The following TEAD1 variants were observed in gnomAD, a reference collection of about 807,000 sequenced individuals.
The protein encoded by TEAD1 is TEA domain transcription factor 1.
TEAD1 carries 9 observed loss-of-function variants against 54.9 expected under a neutral mutation model. The observed-to-expected ratio is 0.16, with a 90% CI of 0.10 to 0.29. TEAD1 has a LOEUF of 0.29. Ranked by LOEUF, TEAD1 falls within the 10% of genes least tolerant of loss-of-function variation. The probability of loss-of-function intolerance (pLI) is 1.00; values close to 1 mark genes in which losing one functional copy is unlikely to be tolerated. For synonymous variants in TEAD1, 200 were observed against 187.8 expected, an observed-to-expected ratio of 1.07 and a Z score of -0.53; for missense variants, 387 against 535.9, an observed-to-expected ratio of 0.72 and a Z score of 2.74.
chr11:12,895,984 A>G (rs111411428), intron 9 of TEAD1, among the ~76,000 whole-genome samples: 180 of 141,184 alleles, frequency 1.3e-3, no homozygotes, highest in Middle Eastern at 8.2e-3. Flanking sequence ...TAAATTTAGT[A>G]TATGCCCCCC....
At chr11:12,856,363 C>G (rs1707774171) in intron 3 of TEAD1, among the ~76,000 whole-genome samples, 1 of 152,074 alleles carries the variant, frequency 6.6e-6, no homozygotes, top group Non-Finnish European at 1.5e-5. Flanking sequence ...GAAAAAAATA[C>G]AAGTTACCAG....
chr11:12,911,406 G>T (rs1177255012), intron 10 of TEAD1, among the ~76,000 whole-genome samples: 1 of 152,138 alleles, frequency 6.6e-6, no homozygotes, highest in Non-Finnish European at 1.5e-5. Flanking sequence ...ACGTCCTGTT[G>T]CTATTCATGG....
chr11:12,751,490 G>A (rs1944869320), intron 2 of TEAD1, among the ~76,000 whole-genome samples: 2 of 152,100 alleles, frequency 1.3e-5, no homozygotes, highest in South Asian at 4.1e-4. Flanking sequence ...CCAGTGGAGG[G>A]GCTTGAAGTC....
intron 2 of TEAD1, among the ~76,000 whole-genome samples, chr11:12,751,285 CAAAAA>C (rs67548037): frequency 5.3e-5 from 6 of 112,606 alleles, no homozygotes; most frequent in African/African-American, 6.0e-5. Flanking sequence ...CAACCTGACT[CAAAAA>C]AAAAAAAAAA....
Position 12,940,749 on chromosome 11 carries a change from G to A in TEAD1, c.*3527G>A, listed in dbSNP as rs777341072. ...GTCTCAGCAATTTTCATTATTTCTC[G>A]TGGGTCTCATTATCAAACCTTTACT... On this transcript the variant is annotated 3_prime_UTR_variant, in exon 13 of 13. Transcript: ENST00000527636. The A allele has an allele frequency of 6.6e-6, 1 of 152,032 alleles. No homozygotes were observed. The highest frequency in any genetic ancestry group is 1.9e-4 in the East Asian group (1 of 5,180). 9.4% of individuals were successfully genotyped at this position (152,032 alleles called of 1,614,324 possible).
intron 5 of TEAD1, among the ~76,000 whole-genome samples, chr11:12,872,185 T>C (rs1250190965): frequency 6.6e-6 from 1 of 152,198 alleles, no homozygotes; most frequent in East Asian, 1.9e-4. Flanking sequence ...GTTTGTATCA[T>C]CACTGATTCC....
intron 11 of TEAD1, among the ~76,000 whole-genome samples, chr11:12,926,794 G>GCTCAACA (rs1357165304): frequency 1.3e-5 from 2 of 152,114 alleles, no homozygotes; most frequent in Non-Finnish European, 2.9e-5. Context: ...GCGGGAATTG[G>GCTCAACA]CTCAACATAA....
intron 9 of TEAD1, among the ~76,000 whole-genome samples, chr11:12,891,636 A>T (rs1948199789): frequency 6.6e-6 from 1 of 152,214 alleles, no homozygotes; most frequent in South Asian, 2.1e-4. Flanking sequence ...TTCTCAAAAT[A>T]AGCTTGTTGA....
chr11:12,853,931 C>A (rs1244517154), intron 3 of TEAD1, among the ~76,000 whole-genome samples: 1 of 152,124 alleles, frequency 6.6e-6, no homozygotes, highest in Non-Finnish European at 1.5e-5. Flanking sequence ...TATGTTCTTT[C>A]TCTGAAAGCT....
chr11:12,743,258 G>A (rs542387234), intron 2 of TEAD1, among the ~76,000 whole-genome samples: 2 of 152,236 alleles, frequency 1.3e-5, no homozygotes, highest in South Asian at 2.1e-4. Context: ...AATATATGTC[G>A]AGCTTATTGA....
chr11:12,867,802 A>G (rs1351313353), intron 5 of TEAD1, among the ~76,000 whole-genome samples: 1 of 152,140 alleles, frequency 6.6e-6, no homozygotes, highest in African/African-American at 2.4e-5. Flanking sequence ...GTCATCCCAA[A>G]AGACAACAAG....
At chr11:12,851,221 G>A (rs1460095656) in intron 3 of TEAD1, 1 of 400,594 alleles carries the variant, frequency 2.5e-6, no homozygotes, top group Non-Finnish European at 3.4e-6. Context: ...AACAACAACA[G>A]AGGATACTAA....
At chr11:12,877,201 A>G (rs1258808237) in intron 5 of TEAD1, among the ~76,000 whole-genome samples, 1 of 152,182 alleles carries the variant, frequency 6.6e-6, no homozygotes, top group Non-Finnish European at 1.5e-5. Flanking sequence ...CGTTCTTTTG[A>G]GGCCCAGGAA....
At chr11:12,889,500 A>G (rs998936081) in intron 9 of TEAD1, among the ~76,000 whole-genome samples, 5 of 152,200 alleles carry the variant, frequency 3.3e-5, no homozygotes, top group African/African-American at 1.2e-4. Flanking sequence ...CATAGTGAGC[A>G]GGAGCCAGGA....
chr11:12,810,619 C>T (rs1464674102), intron 3 of TEAD1, among the ~76,000 whole-genome samples: 1 of 150,942 alleles, frequency 6.6e-6, no homozygotes, highest in African/African-American at 2.4e-5. Flanking sequence ...TCTGGTCTTT[C>T]TGCTATGATT....
At chr11:12,924,783 AT>A in intron 10 of TEAD1, 128 bp from the exon 11 acceptor site, 1 of 1,141,740 alleles carries the variant, frequency 8.8e-7, no homozygotes, top group Non-Finnish European at 1.3e-6. Flanking sequence ...TTGTTTCTAG[AT>A]GAGCATCACC....
At chr11:12,799,833 G>A (rs1208277213) in intron 3 of TEAD1, among the ~76,000 whole-genome samples, 1 of 152,110 alleles carries the variant, frequency 6.6e-6, no homozygotes, top group Non-Finnish European at 1.5e-5. Flanking sequence ...AAATAATGTA[G>A]TGTTTTGCTT....
chr11:12,749,931 C>CG (rs1944832145), intron 2 of TEAD1, among the ~76,000 whole-genome samples: 1 of 152,026 alleles, frequency 6.6e-6, no homozygotes, highest in Non-Finnish European at 1.5e-5. Flanking sequence ...GGATGGGGTG[C>CG]GGGTGGGGCT....
intron 2 of TEAD1, among the ~76,000 whole-genome samples, chr11:12,723,141 A>G (rs1342983350): frequency 1.3e-5 from 2 of 152,178 alleles, no homozygotes; most frequent in Non-Finnish European, 2.9e-5. Context: ...ATTGCTTTCC[A>G]AAAGGGTTGT....
Sources: allele counts gnomAD v4.1 joint callset (sites outside exome capture counted in the v4.1 genomes callset), GRCh38; gene constraint gnomAD v4.1.1; transcripts MANE v1.5; gene names NCBI Gene and HGNC (gene_info 2026-07-23, HGNC 2026-07-21).